The following PPARGC1A variants were observed in gnomAD, a reference collection of about 807,000 sequenced individuals.
PPARGC1A encodes peroxisome proliferator-activated receptor gamma coactivator 1-alpha.
A neutral mutation model predicts 88.7 loss-of-function variants in PPARGC1A; 25 were observed. That is an observed-to-expected ratio of 0.28 (90% CI 0.21 to 0.39). The LOEUF is 0.39. Ranked by LOEUF, PPARGC1A falls within the 10% of genes least tolerant of loss-of-function variation. The probability of loss-of-function intolerance (pLI) is 1.00; values close to 1 mark genes in which losing one functional copy is unlikely to be tolerated. For synonymous variants in PPARGC1A, 363 were observed against 355.6 expected (o/e 1.02, Z -0.24); for missense variants, 880 against 968.7 (o/e 0.91, Z 1.22).
At chr4:24,068,379 T>C in the PPARGC1A span, among the ~76,000 whole-genome samples, 1 of 152,150 alleles carries the variant, frequency 6.6e-6, no homozygotes, top group Non-Finnish European at 1.5e-5. Context: ...CATTTACTCA[T>C]GGGCTCACTT....
At chr4:24,027,530 T>C in the PPARGC1A span, among the ~76,000 whole-genome samples, 1 of 152,180 alleles carries the variant, frequency 6.6e-6, no homozygotes, top group Non-Finnish European at 1.5e-5. Flanking sequence ...TATCAGTCTT[T>C]TTTTCTGGTC....
chr4:23,975,626 C>T, the PPARGC1A span, among the ~76,000 whole-genome samples: 2 of 152,154 alleles, frequency 1.3e-5, no homozygotes, highest in African/African-American at 2.4e-5. Flanking sequence ...CGATGTTGGC[C>T]AGGCTGGTCT....
chr4:24,428,120 T>C, the PPARGC1A span, among the ~76,000 whole-genome samples: 1 of 128,076 alleles, frequency 7.8e-6, no homozygotes. Context: ...AGAGACCCTG[T>C]CTCCAAAAAA....
chr4:24,146,229 A>C, the PPARGC1A span, among the ~76,000 whole-genome samples: 1 of 152,246 alleles, frequency 6.6e-6, no homozygotes, highest in African/African-American at 2.4e-5. Context: ...CAAGAGTTTA[A>C]TGGCTGTTGA....
the PPARGC1A span, among the ~76,000 whole-genome samples, chr4:24,015,505 C>G: frequency 6.6e-6 from 1 of 152,042 alleles, no homozygotes; most frequent in Non-Finnish European, 1.5e-5. Context: ...AATGAAGTCC[C>G]AAGGAAGCAA....
chr4:24,226,830 T>C, the PPARGC1A span, among the ~76,000 whole-genome samples: 1 of 152,198 alleles, frequency 6.6e-6, no homozygotes, highest in Non-Finnish European at 1.5e-5. Flanking sequence ...CTGAGGTCTA[T>C]GATCGTGTGA....
chr4:23,856,229 C>T (rs954919226), intron 2 of PPARGC1A, among the ~76,000 whole-genome samples: 13 of 152,194 alleles, frequency 8.5e-5, no homozygotes, highest in Non-Finnish European at 1.8e-4. Flanking sequence ...GCAATCATTG[C>T]AAATGCCAAA....
the PPARGC1A span, among the ~76,000 whole-genome samples, chr4:24,421,831 T>A: frequency 6.6e-6 from 1 of 152,244 alleles, no homozygotes; most frequent in African/African-American, 2.4e-5. Context: ...ATCATTTTGT[T>A]CTTGTTATGT....
the PPARGC1A span, among the ~76,000 whole-genome samples, chr4:24,056,187 C>A: frequency 1.3e-5 from 2 of 152,110 alleles, no homozygotes; most frequent in East Asian, 3.9e-4. Context: ...GAATGAAATG[C>A]GTAAGTTTAT....
At chr4:24,302,331 C>T in the PPARGC1A span, among the ~76,000 whole-genome samples, 2 of 152,232 alleles carry the variant, frequency 1.3e-5, no homozygotes, top group Non-Finnish European at 2.9e-5. Context: ...GAGAGCTGCA[C>T]TGCCCACAGA....
At chr4:24,049,014 G>C in the PPARGC1A span, among the ~76,000 whole-genome samples, 7 of 151,808 alleles carry the variant, frequency 4.6e-5, no homozygotes, top group Admixed American at 6.6e-5. Context: ...TGCTTATTAT[G>C]AGAACAACAC....
At chr4:24,052,576 G>A in the PPARGC1A span, among the ~76,000 whole-genome samples, 4 of 151,224 alleles carry the variant, frequency 2.6e-5, no homozygotes, top group African/African-American at 9.7e-5. Context: ...GGCAGAGGTT[G>A]CAGTGAGCTG....
chr4:24,248,316 G>A, the PPARGC1A span, among the ~76,000 whole-genome samples: 284 of 152,008 alleles, frequency 1.9e-3, 2 homozygotes, highest in African/African-American at 6.6e-3. Flanking sequence ...TAGTAGAGAC[G>A]GAGTTTCACC....
At chr4:24,397,096 A>T in the PPARGC1A span, among the ~76,000 whole-genome samples, 2 of 152,216 alleles carry the variant, frequency 1.3e-5, no homozygotes, top group Admixed American at 1.3e-4. Flanking sequence ...AAAATTACAC[A>T]AAAGATAAAA....
chr4:24,160,643 A>G, the PPARGC1A span, among the ~76,000 whole-genome samples: 1 of 152,136 alleles, frequency 6.6e-6, no homozygotes, highest in East Asian at 1.9e-4. Flanking sequence ...ACCTTACCAC[A>G]ATCTGAACTC....
the PPARGC1A span, among the ~76,000 whole-genome samples, chr4:24,083,460 A>C: frequency 2.6e-5 from 4 of 152,072 alleles, no homozygotes; most frequent in African/African-American, 7.2e-5. Flanking sequence ...ACATAACCAC[A>C]CATTTACTCT....
chr4:24,105,043 C>G, the PPARGC1A span, among the ~76,000 whole-genome samples: 1 of 152,164 alleles, frequency 6.6e-6, no homozygotes, highest in Admixed American at 6.5e-5. Context: ...AAGGTGAGCA[C>G]TCAATGAATG....
At chr4:23,934,109 G>A in the PPARGC1A span, among the ~76,000 whole-genome samples, 1 of 152,204 alleles carries the variant, frequency 6.6e-6, no homozygotes, top group Non-Finnish European at 1.5e-5. Context: ...CAAGAAAGGT[G>A]GGAAGGTTAA....
chr4:24,220,675 G>T, the PPARGC1A span, among the ~76,000 whole-genome samples: 2 of 152,142 alleles, frequency 1.3e-5, no homozygotes, highest in African/African-American at 4.8e-5. Context: ...CTAAACACTG[G>T]GTGCATAAGG....
Sources: gnomAD v4.1 joint callset for allele counts (sites outside exome capture counted in the v4.1 genomes callset) on GRCh38, gnomAD v4.1.1 for gene constraint, MANE v1.5 for transcripts, NCBI Gene and HGNC (gene_info 2026-07-23, HGNC 2026-07-21) for gene names.